The following HMBOX1 variants were observed in gnomAD, a reference collection of about 807,000 sequenced individuals.
HMBOX1 encodes homeobox-containing protein 1.
Under a neutral mutation model 54.5 loss-of-function variants are expected in HMBOX1, and 14 were observed. That is an observed-to-expected ratio of 0.26 (90% CI 0.17 to 0.40). The LOEUF (loss-of-function observed/expected upper bound fraction) is 0.40. HMBOX1 is among the 10% of genes least tolerant of loss of function. HMBOX1 has a pLI of 1.00. For synonymous variants in HMBOX1, 160 were observed against 181.0 expected (o/e 0.88, Z 0.93); for missense variants, 332 against 514.4 (o/e 0.65, Z 3.43).
chr8:28,914,280 G>A (rs1816092587), intron 1 of HMBOX1, among the ~76,000 whole-genome samples: 2 of 152,076 alleles, frequency 1.3e-5, no homozygotes, highest in Non-Finnish European at 2.9e-5. Flanking sequence ...AAACTACCGA[G>A]AATTTTATAA....
At chr8:29,023,692 G>A (rs565691023) in intron 6 of HMBOX1, among the ~76,000 whole-genome samples, 3 of 152,216 alleles carry the variant, frequency 2.0e-5, no homozygotes, top group South Asian at 4.1e-4. Flanking sequence ...GTGATCCACC[G>A]CTACAGCCCC....
At chr8:28,898,425 G>A (rs1407892160) in intron 1 of HMBOX1, among the ~76,000 whole-genome samples, 2 of 152,030 alleles carry the variant, frequency 1.3e-5, no homozygotes, top group African/African-American at 2.4e-5. Context: ...CTTGGTGTAC[G>A]TACTAAAAAA....
chr8:28,977,236 A>G (rs1392343234), intron 3 of HMBOX1, among the ~76,000 whole-genome samples: 1 of 152,206 alleles, frequency 6.6e-6, no homozygotes, highest in Non-Finnish European at 1.5e-5. Flanking sequence ...AATTTAAAAT[A>G]AATGGATTTA....
chr8:28,983,678 G>A (rs1174549167), intron 4 of HMBOX1, among the ~76,000 whole-genome samples: 1 of 152,166 alleles, frequency 6.6e-6, no homozygotes, highest in Non-Finnish European at 1.5e-5. Context: ...TAGTGTAAGA[G>A]GAGAACAGGT....
chr8:28,894,848 A>G (rs1428936341), intron 1 of HMBOX1, among the ~76,000 whole-genome samples: 1 of 152,142 alleles, frequency 6.6e-6, no homozygotes, highest in African/African-American at 2.4e-5. Context: ...TAGTGGTAAT[A>G]AAGTTGAAGT....
chr8:28,931,371 C>T (rs1270446343), intron 1 of HMBOX1, among the ~76,000 whole-genome samples: 3 of 152,108 alleles, frequency 2.0e-5, no homozygotes, highest in South Asian at 2.1e-4. Flanking sequence ...GCATGAAGTG[C>T]GGGGGTTGTA....
chr8:28,968,126 A>G (rs935167647), intron 2 of HMBOX1, among the ~76,000 whole-genome samples: 1 of 152,246 alleles, frequency 6.6e-6, no homozygotes, highest in Non-Finnish European at 1.5e-5. Flanking sequence ...AGCATTTCAC[A>G]TCGGAGGAGA....
At chr8:28,921,810 C>T (rs1817613297) in intron 1 of HMBOX1, among the ~76,000 whole-genome samples, 1 of 152,150 alleles carries the variant, frequency 6.6e-6, no homozygotes, top group Non-Finnish European at 1.5e-5. Flanking sequence ...AATACAAAAG[C>T]TCTATCACTT....
intron 3 of HMBOX1, among the ~76,000 whole-genome samples, chr8:28,973,506 G>A (rs1354845342): frequency 6.6e-6 from 1 of 152,112 alleles, no homozygotes; most frequent in African/African-American, 2.4e-5. Context: ...TTATTTAGTG[G>A]AATGTTAGAG....
intron 4 of HMBOX1, among the ~76,000 whole-genome samples, chr8:29,008,303 T>C (rs1833752530): frequency 6.6e-6 from 1 of 152,216 alleles, no homozygotes; most frequent in Admixed American, 6.5e-5. Flanking sequence ...GTTTTAGACA[T>C]GCTTTTTTAC....
intron 7 of HMBOX1, among the ~76,000 whole-genome samples, chr8:29,046,609 C>T (rs1349874981): frequency 6.6e-6 from 1 of 152,198 alleles, no homozygotes; most frequent in African/African-American, 2.4e-5. Flanking sequence ...ATCCTCTGTC[C>T]TAAGACAGCA....
chr8:28,910,818 T>A (rs1314884347), intron 1 of HMBOX1, among the ~76,000 whole-genome samples: 1 of 152,208 alleles, frequency 6.6e-6, no homozygotes, highest in Non-Finnish European at 1.5e-5. Context: ...AACCCTTGTC[T>A]TTTCTTTCTC....
intron 4 of HMBOX1, among the ~76,000 whole-genome samples, chr8:28,986,884 G>A (rs1283008682): frequency 1.6e-4 from 24 of 151,904 alleles, no homozygotes; most frequent in Non-Finnish European, 1.5e-5. Flanking sequence ...AAAAAAACCA[G>A]CCTTCACCAC....
intron 5 of HMBOX1, chr8:29,009,950 CAAAGCCTTTGCACACAGACTAA>C: frequency 9.4e-7 from 1 of 1,064,318 alleles, no homozygotes; most frequent in South Asian, 2.7e-5. Flanking sequence ...GCTGCAGCCT[CAAAGCCTTTGCACACAGACTAA>C]AACACTAGTT....
At position 28,973,803 on chromosome 8, in the gene HMBOX1, G is replaced by GTTTTTTTTTTTTTTTT. The variant is rs71222583; in HGVS notation, c.500+3300_500+3315dup. On this transcript the variant is annotated intron_variant, in intron 3 of 9. Coordinates refer to ENST00000287701, the MANE Select transcript of HMBOX1 (RefSeq NM_001135726.3). The stretch of plus-strand genomic sequence containing the variant: ...TAATAATTTCGAGATACATAATGGA[G>GTTTTTTTTTTTTTTTT]TTTTTTTTTTTTTTTTTTTTTTTTT... Among the ~76,000 whole-genome samples, 162 of 72,648 alleles carry GTTTTTTTTTTTTTTTT rather than the reference G, an allele frequency of 2.2e-3. 18 individuals are homozygous for GTTTTTTTTTTTTTTTT. The highest frequency in any genetic ancestry group is 3.1e-3 in the Non-Finnish European group (119 of 38,950). The allele number at this position is 72,648 out of a possible 152,430, so 47.7% of individuals were successfully genotyped here.
chr8:29,024,545 C>T (rs1455009534), intron 6 of HMBOX1, among the ~76,000 whole-genome samples: 1 of 151,936 alleles, frequency 6.6e-6, no homozygotes, highest in Non-Finnish European at 1.5e-5. Flanking sequence ...TGCATATAAT[C>T]AGGGGGAAAT....
intron 1 of HMBOX1, among the ~76,000 whole-genome samples, chr8:28,909,452 C>G (rs1170702325): frequency 6.6e-6 from 1 of 152,168 alleles, no homozygotes; most frequent in Non-Finnish European, 1.5e-5. Context: ...TTTCTAAACA[C>G]TTAGTCTCAA....
chr8:28,905,426 T>C (rs1446494819), intron 1 of HMBOX1, among the ~76,000 whole-genome samples: 1 of 152,244 alleles, frequency 6.6e-6, no homozygotes, highest in Non-Finnish European at 1.5e-5. Flanking sequence ...AATATAGTTT[T>C]AGATTTCAGT....
Position 28,970,798 on chromosome 8 carries a change from C to CT in HMBOX1, c.500+280dup, listed in dbSNP as rs1827256442. On this transcript the variant is annotated intron_variant, in intron 3 of 9. Transcript: ENST00000287701. The surrounding 1 kb of genome is among the most constrained non-coding windows in gnomAD (Gnocchi z 4.3). Reference sequence around the variant, plus strand: ...TCAAACACTAATCTTCTCTATGACTCTAATAGCTAATTTCTGACTAACAGA... The same window carrying CT: ...TCAAACACTAATCTTCTCTATGACTCTTAATAGCTAATTTCTGACTAACAGA... The CT allele has an allele frequency of 3.4e-6, 1 of 296,314 alleles. No homozygotes were observed. The highest frequency in any genetic ancestry group is 6.3e-6 in the Non-Finnish European group (1 of 159,454). The allele number at this position is 296,314 out of a possible 1,614,324, so 18.4% of individuals were successfully genotyped here. A position where few individuals can be genotyped will look rare whatever the true frequency, so the allele number is the denominator to read the frequency against.
Sources: allele counts gnomAD v4.1 joint callset (sites outside exome capture counted in the v4.1 genomes callset), GRCh38; gene constraint gnomAD v4.1.1; non-coding constraint Gnocchi (gnomAD v3.1); transcripts MANE v1.5; gene names NCBI Gene and HGNC (gene_info 2026-07-23, HGNC 2026-07-21).